The following SRCAP variants were observed in gnomAD, a reference collection of about 807,000 sequenced individuals.
SRCAP encodes chromatin remodeling protein SRCAP.
SRCAP carries 46 observed loss-of-function variants against 263.1 expected under a neutral mutation model. The observed-to-expected ratio is 0.17, with a 90% confidence interval of 0.14 to 0.22. The LOEUF (loss-of-function observed/expected upper bound fraction) is 0.22. Ranked by LOEUF, SRCAP falls within the 10% of genes least tolerant of loss-of-function variation. The pLI, the probability that SRCAP is intolerant of heterozygous loss-of-function variation, is 1.00. For synonymous variants in SRCAP, 1,813 were observed against 1,662.1 expected (o/e 1.09, Z -2.21); for missense variants, 3,695 against 4,181.9 (o/e 0.88, Z 3.21).
rs2053036202 is a variant in SRCAP, at chr16:30,723,893, C to T, written c.4469C>T (p.Pro1490Leu). The T allele has an allele frequency of 6.2e-7, 1 of 1,614,134 alleles. No individual in the cohort carries two copies. The highest frequency in any genetic ancestry group is 2.2e-5 in the East Asian group (1 of 44,884). ...CCTGTTGTCCCAGCGGCTCCTGGAC[C>T]TCCCTCCTTGGCACCATCTGGTGCT... ...LAPVVPAAPG[P>L]PSLAPSGASP... Residue 1490 changes from proline to leucine, a missense_variant, in exon 25 of 34, where the codon CCT becomes CTT. Around this residue, in one of 12 missense-constraint regions of SRCAP, gnomAD observed 1,347 missense variants for 1,304.4 expected, o/e 1.03. Transcript: ENST00000262518.
intron 16 of SRCAP, among the ~76,000 whole-genome samples, chr16:30,715,564 C>CA (rs528259971): frequency 0.02 from 2,258 of 111,662 alleles, 42 homozygotes; most frequent in African/African-American, 0.055. Flanking sequence ...AACTTTGTAT[C>CA]AAAAAAAAAA....
chr16:30,711,118 T>C, intron 10 of SRCAP, 30 bp downstream of exon 10: 1 of 1,561,364 alleles, frequency 6.4e-7, no homozygotes, highest in Non-Finnish European at 8.8e-7. Context: ...TTACTAAGCA[T>C]CCACTTGGTG....
rs894326862 is a variant in SRCAP, at chr16:30,712,821, A to G, written c.2130+6A>G. ...AGAGGAAGCTCAAGCGGCAGGTTCGATGTTTCATGTGGTCACTTTCCTCCC... is the reference window on the plus strand; with the variant it reads ...AGAGGAAGCTCAAGCGGCAGGTTCGGTGTTTCATGTGGTCACTTTCCTCCC... On this transcript the variant is annotated splice_donor_region_variant and intron_variant, in intron 14 of 33. Coordinates refer to ENST00000262518, the MANE Select transcript of SRCAP (RefSeq NM_006662.3). 2 of 1,613,910 alleles carry G rather than the reference A, an allele frequency of 1.2e-6. No individual in the cohort carries two copies. Among genetic ancestry groups the G allele is most frequent in the African/African-American group, 2.7e-5 (2 of 74,904 alleles).
rs375336306 is a variant in SRCAP, at chr16:30,724,118, C to T, written c.4694C>T (p.Pro1565Leu). The change falls in exon 25 of 34, where the codon CCA (proline) becomes CTA (leucine). Residue 1565 changes from proline to leucine, a missense_variant. By Grantham distance (98) the Pro-to-Leu change is moderately conservative (BLOSUM62 -3). Coordinates refer to ENST00000262518, the MANE Select transcript of SRCAP (RefSeq NM_006662.3). ...AGTCCTTTTCCGTCAGCACCAAATC[C>T]AGCTCCAGCTCAGGCTTCCCTTCTG... ...LASPFPSAPN[P>L]APAQASLLAP... is the part of the protein sequence containing the mutation. 1 of 1,613,934 alleles carries T rather than the reference C, an allele frequency of 6.2e-7. No individual in the cohort carries two copies. Among genetic ancestry groups the T allele is most frequent in the Non-Finnish European group, 8.5e-7 (1 of 1,180,038 alleles).
chr16:30,720,673 T>C, intron 19 of SRCAP, 40 bp from the exon 20 acceptor site: 1 of 1,533,724 alleles, frequency 6.5e-7, no homozygotes, highest in Non-Finnish European at 8.8e-7. Flanking sequence ...CCCCTTATTC[T>C]CCTTCTGTCC....
chr16:30,737,706 C>G lies in SRCAP; in HGVS notation c.7666C>G (p.Gln2556Glu). The G allele has an allele frequency of 6.2e-7, 1 of 1,614,192 alleles. No individual in the cohort carries two copies. The highest frequency in any genetic ancestry group is 8.5e-7 in the Non-Finnish European group (1 of 1,180,040). The change falls in exon 34 of 34, where the codon CAG becomes GAG. Residue 2556 changes from glutamine to glutamate, a missense_variant. Transcript: ENST00000262518. ...GLRPEAELCA[Q>E]ALASPESLEL... is the part of the protein sequence containing the mutation. Reference sequence around the variant, plus strand: ...GAGGCCTGAGGCAGAGCTGTGTGCCCAGGCATTGGCATCTCCAGAGTCCCT... The same window carrying G: ...GAGGCCTGAGGCAGAGCTGTGTGCCGAGGCATTGGCATCTCCAGAGTCCCT...
chr16:30,735,213 C>A (rs1174573907), intron 31 of SRCAP, among the ~76,000 whole-genome samples: 7 of 140,590 alleles, frequency 5.0e-5, no homozygotes, highest in African/African-American at 2.0e-4. Context: ...GTGGCGGGAT[C>A]TCGGCTCACT....
chr16:30,703,825 AGGCGGAGCTT>A, intron 3 of SRCAP, among the ~76,000 whole-genome samples: 1 of 152,176 alleles, frequency 6.6e-6, no homozygotes. Context: ...TGAACCCGGG[AGGCGGAGCTT>A]GCGGTGAGCC....
chr16:30,722,379 T>TTACCC, intron 22 of SRCAP, 93 bp downstream of exon 22: 1 of 1,544,338 alleles, frequency 6.5e-7, no homozygotes, highest in Non-Finnish European at 8.7e-7. Context: ...TTTATGTTTC[T>TTACCC]TACCCAAGCT....
intron 25 of SRCAP, among the ~76,000 whole-genome samples, chr16:30,726,445 T>C (rs1251831179): frequency 6.6e-6 from 1 of 152,230 alleles, no homozygotes; most frequent in Non-Finnish European, 1.5e-5. Context: ...TGCCAGACTT[T>C]TCCAAAGTGG....
At position 30,738,513 on chromosome 16, in the gene SRCAP, T is replaced by C. The variant is rs1426202570; in HGVS notation, c.8473T>C (p.Phe2825Leu). 1.2e-6 allele frequency: 2 copies of C among 1,611,478 alleles called. No individual in the cohort carries two copies. The highest frequency in any genetic ancestry group is 1.7e-5 in the Admixed American group (1 of 59,582). Residue 2825 changes from phenylalanine to leucine, a missense_variant, in exon 34 of 34, where the codon TTC (phenylalanine) becomes CTC (leucine). By Grantham distance (22) the Phe-to-Leu change is conservative. Around this residue, in one of 12 missense-constraint regions of SRCAP, gnomAD observed 1,207 missense variants for 1,142.9 expected, o/e 1.06. Coordinates refer to ENST00000262518, the MANE Select transcript of SRCAP (RefSeq NM_006662.3). ...SSLPTPPQQP[F>L]IARRHIELGV... ...ACTGCCCACTCCACCCCAGCAGCCCTTCATTGCTCGCCGTCACATTGAGCT... is the reference window on the plus strand; with the variant it reads ...ACTGCCCACTCCACCCCAGCAGCCCCTCATTGCTCGCCGTCACATTGAGCT...
Position 30,736,260 on chromosome 16 carries a change from C to G in SRCAP, c.6790C>G (p.Gln2264Glu). The change falls in exon 32 of 34, where the codon CAG becomes GAG. Residue 2264 changes from glutamine (Q) to glutamate (E), a missense_variant. Gln to Glu is a conservative substitution (Grantham distance 29, BLOSUM62 2). Around this residue, in one of 12 missense-constraint regions of SRCAP, gnomAD observed 91 missense variants for 150.6 expected, o/e 0.60. Coordinates refer to ENST00000262518, the MANE Select transcript of SRCAP (RefSeq NM_006662.3). Reference protein sequence around the residue: ...IRAATQAKAEQVAELAEFNEN... With the variant: ...IRAATQAKAEEVAELAEFNEN... The stretch of plus-strand genomic sequence containing the variant: ...TGCAGCCACCCAGGCCAAGGCTGAA[C>G]AGGTGGCTGAGCTTGCAGAATTTAA... 3 of 1,614,180 alleles carry G rather than the reference C, an allele frequency of 1.9e-6. No individual in the cohort carries two copies. Among genetic ancestry groups the G allele is most frequent in the South Asian group, 1.1e-5 (1 of 91,088 alleles).
chr16:30,737,653 C>T lies in SRCAP; in HGVS notation c.7613C>T (p.Ala2538Val), dbSNP rs765555862. The change falls in exon 34 of 34, where the codon GCC becomes GTC. Residue 2538 changes from alanine (A) to valine (V), a missense_variant. This residue lies in a region of SRCAP where 1,207 missense variants were observed against 1,142.9 expected (regional missense o/e 1.06). Transcript: ENST00000262518. ...LLGPPSVPIS[A>V]SVTNLPLGLR... is the part of the protein sequence containing the mutation. ...GGTCCACCTTCTGTGCCCATCTCTG[C>T]CTCAGTCACTAATCTCCCCTTGGGC... 4.4e-5 allele frequency: 71 copies of T among 1,613,962 alleles called. 1 individual carries two copies. The highest frequency in any genetic ancestry group is 3.6e-4 in the South Asian group (33 of 91,082).
intron 3 of SRCAP, among the ~76,000 whole-genome samples, chr16:30,703,590 G>T (rs1431904187): frequency 6.6e-6 from 1 of 151,774 alleles, no homozygotes; most frequent in Non-Finnish European, 1.5e-5. Flanking sequence ...GCCATCTTGA[G>T]TCCCTTATTA....
Position 30,724,283 on chromosome 16 carries a change from C to T in SRCAP, c.4859C>T (p.Pro1620Leu). Reference sequence around the variant, plus strand: ...CTGGCACCATCGCCAGGTGCTGCTCCTGTCCTGGCTTCATCACAGACTCCG... The same window carrying T: ...CTGGCACCATCGCCAGGTGCTGCTCTTGTCCTGGCTTCATCACAGACTCCG... ...PVLAPSPGAA[P>L]VLASSQTPVP... The change falls in exon 25 of 34, where the codon CCT becomes CTT. Residue 1620 changes from proline (P) to leucine (L), a missense_variant. Physicochemically the swap from Pro to Leu is moderately conservative, Grantham distance 98. Transcript: ENST00000262518. 1 of 1,614,148 alleles carries T rather than the reference C, an allele frequency of 6.2e-7. No homozygotes were observed. Among genetic ancestry groups the T allele is most frequent in the Non-Finnish European group, 8.5e-7 (1 of 1,180,030 alleles).
chr16:30,722,466 A>G, intron 22 of SRCAP, 97 bp from the exon 23 acceptor site: 4 of 1,454,830 alleles, frequency 2.7e-6, no homozygotes, highest in Admixed American at 1.8e-5. Flanking sequence ...TAGAGAATGT[A>G]TTCCCTCTCT....
chr16:30,703,874 G>A (rs2052795953), intron 3 of SRCAP, among the ~76,000 whole-genome samples, 190 bp from the exon 4 acceptor site: 1 of 151,268 alleles, frequency 6.6e-6, no homozygotes, highest in Admixed American at 6.6e-5. Context: ...TCCAGCCTGG[G>A]CGACAGAGCG....
At position 30,740,911 on chromosome 16, in the gene SRCAP, AG is replaced by A. The variant is rs2053218024; in HGVS notation, c.*1180del. On this transcript the variant is annotated 3_prime_UTR_variant, in exon 34 of 34. Coordinates refer to ENST00000262518, the MANE Select transcript of SRCAP (RefSeq NM_006662.3). ...TTCGTTACTTGGGTTCAGGGAGCCA[AG>A]GTGGTTTCATTTTGTCTGGGTTGTA... 1 of 152,134 alleles carries A rather than the reference AG, an allele frequency of 6.6e-6. No homozygotes were observed. The highest frequency in any genetic ancestry group is 2.4e-5 in the African/African-American group (1 of 41,398). The allele number at this position is 152,134 out of a possible 1,614,324, so 9.4% of individuals were successfully genotyped here. A position where few individuals can be genotyped will look rare whatever the true frequency, so the allele number is the denominator to read the frequency against.
chr16:30,699,544 C>T (rs955846087), intron 1 of SRCAP, among the ~76,000 whole-genome samples: 14 of 152,176 alleles, frequency 9.2e-5, no homozygotes, highest in Admixed American at 5.2e-4. Flanking sequence ...TGACTCTTCC[C>T]GGGAGTTCCA....
Sources: gnomAD v4.1 joint callset for allele counts (sites outside exome capture counted in the v4.1 genomes callset) on GRCh38, gnomAD v4.1.1 for gene constraint, gnomAD v4.1.1 regional missense constraint, MANE v1.5 for transcripts, NCBI Gene and HGNC (gene_info 2026-07-23, HGNC 2026-07-21) for gene names.